Variants in WWOX observed in about 807,000 individuals in gnomAD.
The protein encoded by WWOX is WW domain-containing oxidoreductase.
WWOX carries 69 observed loss-of-function variants against 46.2 expected under a neutral mutation model. That is an observed-to-expected ratio of 1.49 (90% CI 1.23 to 1.82). The LOEUF (loss-of-function observed/expected upper bound fraction) is 1.82. Ranked by LOEUF, WWOX falls within the 40% of genes most tolerant of loss-of-function variation. The pLI, the probability that WWOX is intolerant of heterozygous loss-of-function variation, is 0.00. For missense variants in WWOX, 919 were observed against 542.6 expected (o/e 1.69, Z -6.89); for synonymous variants, 359 against 202.6 (o/e 1.77, Z -6.56).
intron 5 of WWOX, among the ~76,000 whole-genome samples, chr16:78,247,331 C>T (rs576446969): frequency 1.2e-4 from 19 of 152,228 alleles, no homozygotes; most frequent in African/African-American, 3.4e-4. Flanking sequence ...AAGTCCTTAG[C>T]GAACAATGCA....
intron 8 of WWOX, among the ~76,000 whole-genome samples, chr16:78,734,147 G>T (rs1355980110): frequency 6.6e-6 from 1 of 152,094 alleles, no homozygotes; most frequent in Non-Finnish European, 1.5e-5. Flanking sequence ...AAGCAAAAGA[G>T]TAGTATTAAA....
chr16:78,103,815 C>G (rs2031957525), intron 1 of WWOX, among the ~76,000 whole-genome samples: 1 of 152,106 alleles, frequency 6.6e-6, no homozygotes, highest in Admixed American at 6.5e-5. Flanking sequence ...GTAGCTCCCA[C>G]TGAGACCTCG....
At chr16:78,169,700 G>A (rs969962309) in intron 5 of WWOX, among the ~76,000 whole-genome samples, 1 of 152,086 alleles carries the variant, frequency 6.6e-6, no homozygotes, top group African/African-American at 2.4e-5. Context: ...GTGGAAGAAG[G>A]AGGTAGGGTA....
At chr16:78,886,083 C>T (rs967400182) in intron 8 of WWOX, among the ~76,000 whole-genome samples, 5 of 151,900 alleles carry the variant, frequency 3.3e-5, no homozygotes, top group African/African-American at 9.7e-5. Flanking sequence ...CGCCACCACA[C>T]CAGGCTAATT....
At chr16:78,162,568 A>G (rs968325407) in intron 4 of WWOX, among the ~76,000 whole-genome samples, 36 of 152,276 alleles carry the variant, frequency 2.4e-4, no homozygotes, top group African/African-American at 8.7e-4. Context: ...ATTTATACAT[A>G]TACATGTCAA....
chr16:79,189,053 G>GA (rs559796991), intron 8 of WWOX, among the ~76,000 whole-genome samples: 3 of 151,596 alleles, frequency 2.0e-5, no homozygotes, highest in African/African-American at 4.8e-5. Context: ...AAAAAGAAAA[G>GA]AAAAAAAATA....
chr16:78,545,805 G>A (rs971843941), intron 8 of WWOX, among the ~76,000 whole-genome samples: 1 of 152,146 alleles, frequency 6.6e-6, no homozygotes, highest in Admixed American at 6.5e-5. Context: ...CTTGCAGACG[G>A]CCGCCTTCTT....
At chr16:79,175,877 C>T (rs1244166538) in intron 8 of WWOX, among the ~76,000 whole-genome samples, 1 of 152,180 alleles carries the variant, frequency 6.6e-6, no homozygotes, top group African/African-American at 2.4e-5. Flanking sequence ...ATTGCACTAA[C>T]AGCCACATCC....
chr16:78,903,519 C>T (rs1259471606), intron 8 of WWOX, among the ~76,000 whole-genome samples: 1 of 152,200 alleles, frequency 6.6e-6, no homozygotes, highest in Non-Finnish European at 1.5e-5. Flanking sequence ...TTCAATTTCC[C>T]ATCTGCCCTG....
intron 8 of WWOX, among the ~76,000 whole-genome samples, chr16:78,648,300 G>C (rs1186203993): frequency 1.3e-5 from 2 of 152,178 alleles, no homozygotes; most frequent in African/African-American, 4.8e-5. Context: ...GAGAATGCGA[G>C]GCCCTTGTTG....
At chr16:78,851,945 G>A (rs1013613644) in intron 8 of WWOX, among the ~76,000 whole-genome samples, 1 of 152,094 alleles carries the variant, frequency 6.6e-6, no homozygotes, top group Non-Finnish European at 1.5e-5. Flanking sequence ...AAGCCTCTTG[G>A]TTTCTGTACC....
chr16:78,914,826 CCA>C (rs2045206078), intron 8 of WWOX, among the ~76,000 whole-genome samples: 1 of 147,732 alleles, frequency 6.8e-6, no homozygotes, highest in South Asian at 2.2e-4. Context: ...TTGCAGTGAG[CCA>C]GGATCGCGCC....
At chr16:78,908,325 A>C (rs4573936) in intron 8 of WWOX, among the ~76,000 whole-genome samples, 19,063 of 152,088 alleles carry the variant, frequency 0.13, 1,581 homozygotes, top group East Asian at 0.42. Context: ...GGTTCAACTG[A>C]GGTCAGGAGT....
intron 8 of WWOX, among the ~76,000 whole-genome samples, chr16:78,868,713 C>T (rs935090730): frequency 6.6e-6 from 1 of 152,050 alleles, no homozygotes; most frequent in South Asian, 2.1e-4. Flanking sequence ...ACGTTGGAAC[C>T]AATGCTGATG....
intron 8 of WWOX, among the ~76,000 whole-genome samples, chr16:79,180,976 A>G (rs2050899814): frequency 1.3e-5 from 2 of 152,216 alleles, no homozygotes; most frequent in Admixed American, 1.3e-4. Context: ...TTGAGATCAT[A>G]TTGTATGTCT....
At chr16:78,383,590 T>C (rs1284007926) in intron 5 of WWOX, among the ~76,000 whole-genome samples, 3 of 152,176 alleles carry the variant, frequency 2.0e-5, no homozygotes, top group Non-Finnish European at 2.9e-5. Flanking sequence ...ATTTAGAGCA[T>C]GTCCCACTAC....
intron 8 of WWOX, among the ~76,000 whole-genome samples, chr16:79,038,307 A>G (rs930021626): frequency 6.6e-6 from 1 of 152,208 alleles, no homozygotes; most frequent in Non-Finnish European, 1.5e-5. Context: ...GTTTCAAAGT[A>G]TAAACAGTGA....
At chr16:78,682,122 A>T (rs1212828520) in intron 8 of WWOX, among the ~76,000 whole-genome samples, 2 of 152,204 alleles carry the variant, frequency 1.3e-5, no homozygotes, top group African/African-American at 4.8e-5. Context: ...ACACTCAGCA[A>T]ATGGCCTTTG....
At position 78,657,144 on chromosome 16, in the gene WWOX, A is replaced by G. The variant is rs933398955; in HGVS notation, c.1056+224392A>G. Among the ~76,000 whole-genome samples the G allele has an allele frequency of 2.0e-5, 3 of 151,816 alleles. No homozygotes were observed. The East Asian group carries it at 5.8e-4, about 29-fold the overall frequency. On this transcript the variant is annotated intron_variant, in intron 8 of 8. Coordinates refer to ENST00000566780, the MANE Select transcript of WWOX (RefSeq NM_016373.4). Reference sequence around the variant, plus strand: ...CTTTGGCCCCTGCGTCACCTTCACCACCACCCAATGTGTCCTGCTCATCAC... The same window carrying G: ...CTTTGGCCCCTGCGTCACCTTCACCGCCACCCAATGTGTCCTGCTCATCAC...
Sources: allele counts gnomAD v4.1 joint callset (sites outside exome capture counted in the v4.1 genomes callset), GRCh38; gene constraint gnomAD v4.1.1; transcripts MANE v1.5; gene names NCBI Gene and HGNC (gene_info 2026-07-23, HGNC 2026-07-21).